The following KDM4C variants were observed in gnomAD, a reference collection of about 807,000 sequenced individuals.
The protein encoded by KDM4C is lysine-specific demethylase 4C.
In KDM4C, 81 loss-of-function variants were observed where a neutral mutation model predicts 129.3. The ratio of observed to expected loss-of-function variants is 0.63; its 90% CI spans 0.52 to 0.75. KDM4C has a LOEUF of 0.75. Ranked by LOEUF, KDM4C falls within the 30% of genes least tolerant of loss-of-function variation. The probability of loss-of-function intolerance (pLI) is 0.00; values close to 1 mark genes in which losing one functional copy is unlikely to be tolerated. For missense variants in KDM4C, 1,457 were observed against 1,304.0 expected, an observed-to-expected ratio of 1.12 and a Z score of -1.81; for synonymous variants, 573 against 456.1, an observed-to-expected ratio of 1.26 and a Z score of -3.26.
At chr9:6,784,424 G>A (rs981112667) in intron 1 of KDM4C, among the ~76,000 whole-genome samples, 4 of 152,114 alleles carry the variant, frequency 2.6e-5, no homozygotes, top group African/African-American at 9.7e-5. Flanking sequence ...TAGAGACAGG[G>A]TTTCACCATG....
chr9:6,865,337 A>G (rs1271413961), intron 5 of KDM4C, among the ~76,000 whole-genome samples: 1 of 150,876 alleles, frequency 6.6e-6, no homozygotes, highest in Non-Finnish European at 1.5e-5. Flanking sequence ...AAATTCTTGA[A>G]CTCCTTTTCT....
At chr9:7,151,472 C>T (rs1313321367) in intron 19 of KDM4C, among the ~76,000 whole-genome samples, 2 of 152,006 alleles carry the variant, frequency 1.3e-5, no homozygotes, top group Non-Finnish European at 2.9e-5. Context: ...TGGTTGTGCC[C>T]AGCTATGTTG....
intron 18 of KDM4C, among the ~76,000 whole-genome samples, chr9:7,108,511 A>G (rs932846577): frequency 3.9e-5 from 6 of 152,202 alleles, no homozygotes; most frequent in African/African-American, 1.4e-4. Flanking sequence ...TGCTGGGATT[A>G]CAGGCATGAG....
chr9:6,941,396 T>C (rs1261212651), intron 8 of KDM4C, among the ~76,000 whole-genome samples: 1 of 152,230 alleles, frequency 6.6e-6, no homozygotes, highest in Non-Finnish European at 1.5e-5. Context: ...TAAATTTGTT[T>C]CTTATAGATG....
intron 8 of KDM4C, among the ~76,000 whole-genome samples, chr9:6,956,190 A>T (rs566720386): frequency 4.9e-4 from 75 of 152,334 alleles, no homozygotes; most frequent in African/African-American, 1.7e-3. Flanking sequence ...TGATACCACA[A>T]TGTGGTGACT....
chr9:6,797,660 T>A lies in KDM4C; in HGVS notation c.144+4528T>A, dbSNP rs541577369. On this transcript the variant is annotated intron_variant, in intron 2 of 21. Coordinates refer to ENST00000381309, the MANE Select transcript of KDM4C (RefSeq NM_015061.6). ...TGTCCTGGACTGTAGCTTATGCACA[T>A]CATGTAGTTTTATGAACAGCCTAGA... Among the ~76,000 whole-genome samples, 5 of 152,326 alleles carry A rather than the reference T, an allele frequency of 3.3e-5. No individual in the cohort carries two copies. The South Asian group carries it at 1.0e-3, about 32-fold the overall frequency.
chr9:6,720,887 C>G, exon 1 of KDM4C: 1 of 1,447,318 alleles, frequency 6.9e-7, no homozygotes, highest in Non-Finnish European at 9.5e-7. Flanking sequence ...GGTCTGTGAC[C>G]TGAAAGTTGT....
At chr9:6,953,927 C>G (rs549708565) in intron 8 of KDM4C, among the ~76,000 whole-genome samples, 2 of 152,302 alleles carry the variant, frequency 1.3e-5, no homozygotes, top group East Asian at 1.9e-4. Context: ...CCAAAGTCAC[C>G]ACATACCTAG....
At chr9:6,996,883 A>G (rs1819855403) in intron 12 of KDM4C, among the ~76,000 whole-genome samples, 1 of 152,186 alleles carries the variant, frequency 6.6e-6, no homozygotes, top group African/African-American at 2.4e-5. Context: ...AGTGTTTTTT[A>G]CAGAGTGTCA....
intron 8 of KDM4C, among the ~76,000 whole-genome samples, chr9:6,948,390 G>A (rs551213675): frequency 1.3e-5 from 2 of 150,860 alleles, no homozygotes; most frequent in African/African-American, 2.4e-5. Context: ...CTAAATATAC[G>A]TACTTATAAA....
intron 19 of KDM4C, among the ~76,000 whole-genome samples, chr9:7,146,040 C>G (rs987279264): frequency 9.2e-5 from 14 of 152,184 alleles, no homozygotes; most frequent in African/African-American, 3.4e-4. Flanking sequence ...TGAACACTTA[C>G]CAGTGCAGCC....
chr9:7,016,867 A>G (rs765423791), intron 15 of KDM4C, among the ~76,000 whole-genome samples: 1 of 152,196 alleles, frequency 6.6e-6, no homozygotes, highest in Non-Finnish European at 1.5e-5. Flanking sequence ...CTTGAAAATA[A>G]GTATTTCAAG....
intron 1 of KDM4C, among the ~76,000 whole-genome samples, chr9:6,781,242 G>C (rs1824276599): frequency 6.6e-6 from 1 of 152,074 alleles, no homozygotes; most frequent in African/African-American, 2.4e-5. Flanking sequence ...ATTTGCAGTA[G>C]TTATGTTCTA....
chr9:7,128,304 C>G (rs1647449156), intron 19 of KDM4C, 68 bp downstream of exon 19: 6 of 1,295,314 alleles, frequency 4.6e-6, no homozygotes, highest in Non-Finnish European at 6.1e-6. Flanking sequence ...GTAACTGAGC[C>G]CTTCAGAATT....
intron 21 of KDM4C, chr9:7,170,211 G>T (rs140324991): frequency 8.3e-7 from 1 of 1,208,314 alleles, no homozygotes; most frequent in Non-Finnish European, 1.0e-6. Flanking sequence ...TACCATCAAG[G>T]CATTTGCAAT....
At chr9:7,095,729 C>T (rs1021045035) in intron 17 of KDM4C, among the ~76,000 whole-genome samples, 11 of 152,056 alleles carry the variant, frequency 7.2e-5, no homozygotes, top group African/African-American at 4.8e-5. Flanking sequence ...AGTAATTAAA[C>T]GAATCTGGGT....
chr9:7,167,719 C>A (rs1473182211), intron 20 of KDM4C, among the ~76,000 whole-genome samples: 2 of 152,198 alleles, frequency 1.3e-5, no homozygotes, highest in Non-Finnish European at 2.9e-5. Flanking sequence ...GGATGTTCAT[C>A]AACCAGAATT....
At position 6,896,490 on chromosome 9, in the gene KDM4C, A is replaced by ATAT. The variant is rs1563775782; in HGVS notation, c.921+3258_921+3259insTAT. ...ACTATGAAATATATATATATATATA[A>ATAT]AAATATAATTTTGTGTAATACAAAC... is the stretch of plus-strand genomic sequence containing the variant. On this transcript the variant is annotated intron_variant, in intron 8 of 21. Transcript: ENST00000381309. 1.3e-3 allele frequency among the ~76,000 whole-genome samples: 198 copies of ATAT among 149,554 alleles called. 1 individual carries two copies. Among genetic ancestry groups the ATAT allele is most frequent in the African/African-American group, 4.7e-3 (188 of 39,834 alleles).
chr9:6,831,290 T>G (rs914380596), intron 4 of KDM4C, among the ~76,000 whole-genome samples: 1 of 152,184 alleles, frequency 6.6e-6, no homozygotes, highest in African/African-American at 2.4e-5. Flanking sequence ...CTGGGGCCAG[T>G]GTGTTGGTTC....
Sources: allele counts gnomAD v4.1 joint callset (sites outside exome capture counted in the v4.1 genomes callset), GRCh38; gene constraint gnomAD v4.1.1; transcripts MANE v1.5; gene names NCBI Gene and HGNC (gene_info 2026-07-23, HGNC 2026-07-21).